The following PKM variants were observed in gnomAD, a reference collection of about 807,000 sequenced individuals.
PKM encodes pyruvate kinase PKM.
Under a neutral mutation model 49.8 loss-of-function variants are expected in PKM, and 18 were observed. The ratio of observed to expected loss-of-function variants is 0.36; its 90% CI spans 0.25 to 0.54. The LOEUF is 0.54. PKM is among the 20% of genes least tolerant of loss of function. The pLI is 0.89. For synonymous variants in PKM, 239 were observed against 261.8 expected, an observed-to-expected ratio of 0.91 and a Z score of 0.84; for missense variants, 508 against 713.8, an observed-to-expected ratio of 0.71 and a Z score of 3.28.
At chr15:72,216,608 G>T (rs1437937240) in intron 3 of PKM, among the ~76,000 whole-genome samples, 1 of 152,138 alleles carries the variant, frequency 6.6e-6, no homozygotes, top group African/African-American at 2.4e-5. Context: ...GGATGACAGA[G>T]CAAAATTTTG....
chr15:72,199,101 G>A lies in PKM; in HGVS notation c.*549C>T, dbSNP rs2081861499. On this transcript the variant is annotated 3_prime_UTR_variant, in exon 11 of 11. Transcript: ENST00000335181. ...CAGGCCTGGAGGTGCTGCAGTAGTG[G>A]GGGAAAATGGAAGGTGGAGGGTGGA... 3.1e-5 allele frequency: 9 copies of A among 286,954 alleles called. 1 individual carries two copies. Among genetic ancestry groups the A allele is most frequent in the South Asian group, 2.9e-4 (9 of 31,386 alleles). The allele number at this position is 286,954 out of a possible 1,614,324, so 17.8% of individuals were successfully genotyped here.
Position 72,199,177 on chromosome 15 carries a change from A to G in PKM, c.*473T>C. The G allele has an allele frequency of 5.9e-6, 2 of 339,204 alleles. No individual in the cohort carries two copies. The highest frequency in any genetic ancestry group is 2.3e-5 in the South Asian group (1 of 43,352). The allele number at this position is 339,204 out of a possible 1,614,324, so 21.0% of individuals were successfully genotyped here. The stretch of plus-strand genomic sequence containing the variant: ...GAGGGTGGGGACAGGTGCAAACTGG[A>G]GAGGCCTAGAGAGCTAGAGAAGCAA... On this transcript the variant is annotated 3_prime_UTR_variant, in exon 11 of 11. Transcript: ENST00000335181.
chr15:72,208,445 A>G (rs3803471), intron 6 of PKM, among the ~76,000 whole-genome samples, 176 bp downstream of exon 6: 33,361 of 151,804 alleles, frequency 0.22, 3,899 homozygotes, highest in East Asian at 0.41. Context: ...AAAAAAACAA[A>G]AACAAAAAAA....
chr15:72,212,700 C>T (rs60600349), intron 3 of PKM, among the ~76,000 whole-genome samples: 3,801 of 152,198 alleles, frequency 0.025, 154 homozygotes, highest in African/African-American at 0.088. Flanking sequence ...GATGTTATCA[C>T]GTGGATAAGA....
At chr15:72,227,390 C>A (rs1009424875) in intron 1 of PKM, among the ~76,000 whole-genome samples, 63 of 152,288 alleles carry the variant, frequency 4.1e-4, no homozygotes, top group African/African-American at 1.5e-3. Flanking sequence ...AGTCATTTTC[C>A]TCTACTCCGG....
intron 1 of PKM, among the ~76,000 whole-genome samples, chr15:72,228,376 C>CTTTTTTTT (rs10656443): frequency 8.4e-6 from 1 of 118,848 alleles, no homozygotes; most frequent in Non-Finnish European, 1.6e-5. Flanking sequence ...TTAGTTGTGG[C>CTTTTTTTT]TTTTTTTTTT....
intron 1 of PKM, among the ~76,000 whole-genome samples, chr15:72,223,668 G>GC (rs2082586308): frequency 6.6e-6 from 1 of 152,142 alleles, no homozygotes; most frequent in Admixed American, 6.5e-5. Flanking sequence ...AATGGGTGAC[G>GC]GGCCAGCAGA....
chr15:72,223,933 AAT>A (rs1491121253), intron 1 of PKM, among the ~76,000 whole-genome samples: 374 of 145,722 alleles, frequency 2.6e-3, no homozygotes, highest in Non-Finnish European at 4.3e-3. Flanking sequence ...AAAAAAAAAA[AAT>A]CTTGGCTCTT....
At chr15:72,220,409 T>C (rs1468011237) in intron 1 of PKM, among the ~76,000 whole-genome samples, 1 of 152,148 alleles carries the variant, frequency 6.6e-6, no homozygotes, top group Non-Finnish European at 1.5e-5. Flanking sequence ...GAGTAGAGTA[T>C]ACATCTAAAT....
chr15:72,205,624 G>GT (rs140232218), intron 8 of PKM, among the ~76,000 whole-genome samples: 1,093 of 99,672 alleles, frequency 0.011, 25 homozygotes, highest in African/African-American at 0.034. Context: ...GGGTGTTTTA[G>GT]TTTTTTTTTT....
intron 1 of PKM, among the ~76,000 whole-genome samples, chr15:72,219,978 T>C (rs762340109): frequency 1.8e-4 from 27 of 152,178 alleles, no homozygotes; most frequent in Non-Finnish European, 2.2e-4. Flanking sequence ...ACCCTGACAA[T>C]GGCCCCAACC....
At chr15:72,226,961 G>T (rs2082688828) in intron 1 of PKM, among the ~76,000 whole-genome samples, 1 of 152,222 alleles carries the variant, frequency 6.6e-6, no homozygotes, top group African/African-American at 2.4e-5. Flanking sequence ...CTCCTGAGCT[G>T]AGCAGTCATA....
At chr15:72,199,795 G>C (rs1267340618) in intron 10 of PKM, 39 bp from the exon 11 acceptor site, 11 of 1,461,848 alleles carry the variant, frequency 7.5e-6, no homozygotes, top group Non-Finnish European at 1.0e-5. Flanking sequence ...TAAAAGCCAA[G>C]CCAGGCAGGT....
chr15:72,223,003 CCCT>C (rs796616510), intron 1 of PKM, among the ~76,000 whole-genome samples: 13 of 151,722 alleles, frequency 8.6e-5, no homozygotes, highest in African/African-American at 2.9e-4. Flanking sequence ...CAACACTCCT[CCCT>C]CCAACTTTTT....
At chr15:72,221,924 C>CA (rs10706808) in intron 1 of PKM, among the ~76,000 whole-genome samples, 5 of 109,912 alleles carry the variant, frequency 4.5e-5, no homozygotes, top group African/African-American at 1.6e-4. Context: ...AACCTCAAAG[C>CA]AAAAAAAAAA....
At chr15:72,204,246 G>C (rs146197381) in intron 8 of PKM, 1 of 152,330 alleles carries the variant, frequency 6.6e-6, no homozygotes, top group East Asian at 1.9e-4. Context: ...GGAAGGAACT[G>C]TTGGCCAGTG....
In PKM at chr15:72,219,129, AAAGAGAGTGGT is replaced by A. The variant is rs1471334262; in HGVS notation, c.-13-30_-13-20del. 1 of 1,607,642 alleles carries A rather than the reference AAAGAGAGTGGT, an allele frequency of 6.2e-7. No homozygotes were observed. The highest frequency in any genetic ancestry group is 8.5e-7 in the Non-Finnish European group (1 of 1,175,188). On this transcript the variant is annotated intron_variant, in intron 1 of 10. Coordinates refer to ENST00000335181, the MANE Select transcript of PKM (RefSeq NM_002654.6). ...TGAGGTCCTGGGTCGAGACAAATTG[AAAGAGAGTGGT>A]AAGACTGAGAAGTGGTTAATATACC...
chr15:72,219,225 C>G, intron 1 of PKM, 115 bp from the exon 2 acceptor site: 1 of 921,904 alleles, frequency 1.1e-6, no homozygotes, highest in South Asian at 1.6e-5. Flanking sequence ...GCTTTGTACA[C>G]AAGCCACAGG....
rs2081923771 is a variant in PKM at position 72,200,698 on chromosome 15, G to A, written c.1308-43C>T. On this transcript the variant is annotated intron_variant, in intron 9 of 10. Coordinates refer to ENST00000335181, the MANE Select transcript of PKM (RefSeq NM_002654.6). This position sits in a 1 kb window ranked among gnomAD's most constrained non-coding sequence, Gnocchi z 4.6. ...ACATACAGAAGAGACCATTACACGAGGCCCCAGGAAGTACCCTCAGGGCGT... is the reference window on the plus strand; with the variant it reads ...ACATACAGAAGAGACCATTACACGAAGCCCCAGGAAGTACCCTCAGGGCGT... 1 of 1,560,918 alleles carries A rather than the reference G, an allele frequency of 6.4e-7. No homozygotes were observed. The highest frequency in any genetic ancestry group is 1.7e-5 in the Admixed American group (1 of 58,752).
Sources: allele counts gnomAD v4.1 joint callset (sites outside exome capture counted in the v4.1 genomes callset), GRCh38; gene constraint gnomAD v4.1.1; non-coding constraint Gnocchi (gnomAD v3.1); transcripts MANE v1.5; gene names NCBI Gene and HGNC (gene_info 2026-07-23, HGNC 2026-07-21).